ABL1: variants seen among roughly 807,000 people sequenced by gnomAD.
ABL1 encodes ABL proto-oncogene 1, non-receptor tyrosine kinase.
Under a neutral mutation model 94.7 loss-of-function variants are expected in ABL1, and 11 were observed. That is an observed-to-expected ratio of 0.12 (90% CI 0.07 to 0.19). The LOEUF (loss-of-function observed/expected upper bound fraction) is 0.19. ABL1 is among the 10% of genes least tolerant of loss of function. ABL1 has a pLI of 1.00. For missense variants in ABL1, 1,082 were observed against 1,489.4 expected (o/e 0.73, Z 4.50); for synonymous variants, 656 against 622.4 (o/e 1.05, Z -0.80).
At chr9:130,821,775 G>T (rs1213498052) in intron 1 of ABL1, among the ~76,000 whole-genome samples, 1 of 150,714 alleles carries the variant, frequency 6.6e-6, no homozygotes, top group Admixed American at 6.6e-5. Context: ...TGATTCTCCT[G>T]CCTCAGCCTC....
rs140764404 is a variant in ABL1, at chr9:130,724,994, G to A, written c.136+10539G>A. 2,874 of 301,140 alleles carry A rather than the reference G, an allele frequency of 9.5e-3. 28 individuals carry two copies. Among genetic ancestry groups the A allele is most frequent in the Non-Finnish European group, 0.014 (1,994 of 146,286 alleles). 18.7% of individuals were successfully genotyped at this position (301,140 alleles called of 1,614,324 possible). On this transcript the variant is annotated intron_variant, in intron 1 of 10. Transcript: ENST00000372348. ...GACAGGCCTTAGAGCCACAGTGGCC[G>A]CACAACGTGTGCATCATATTGCAAC...
Position 130,862,841 on chromosome 9 carries a change from A to G in ABL1, c.628A>G (p.Ile210Val), listed in dbSNP as rs1831096941. 2 of 1,613,862 alleles carry G rather than the reference A, an allele frequency of 1.2e-6. No individual in the cohort carries two copies. The highest frequency in any genetic ancestry group is 3.3e-5 in the Admixed American group (2 of 59,994). ...TCATTCAACGGTGGCCGACGGGCTC[A>G]TCACCACGCTCCATTATCCAGCCCC... The part of the protein sequence containing the change: ...HHHSTVADGL[I>V]TTLHYPAPKR... Residue 210 changes from isoleucine to valine, a missense_variant, in exon 4 of 11, where the codon ATC becomes GTC. Ile to Val is a conservative substitution (Grantham distance 29). Transcript: ENST00000318560. This position sits in a 1 kb window ranked among gnomAD's most constrained non-coding sequence, Gnocchi z 5.5.
At chr9:130,795,919 C>T (rs545413594) in intron 1 of ABL1, among the ~76,000 whole-genome samples, 10 of 152,330 alleles carry the variant, frequency 6.6e-5, no homozygotes, top group South Asian at 4.1e-4. Flanking sequence ...AGGCTGGGCG[C>T]GGTGGCTCAT....
rs527486462 is a variant in ABL1, at chr9:130,764,029, A to G, written c.136+49574A>G. Reference sequence around the variant, plus strand: ...TCCCAGAGGAGACACTTAGGCAGAGACTGGGCCGCTGAGTGGGCGTTTGGG... The same window carrying G: ...TCCCAGAGGAGACACTTAGGCAGAGGCTGGGCCGCTGAGTGGGCGTTTGGG... On this transcript the variant is annotated intron_variant, in intron 1 of 10. Transcript: ENST00000372348. Among the ~76,000 whole-genome samples the G allele has an allele frequency of 2.8e-3, 419 of 152,280 alleles. 1 individual carries two copies. The highest frequency in any genetic ancestry group is 5.1e-3 in the Non-Finnish European group (346 of 68,018).
At chr9:130,727,765 A>G (rs969720047) in intron 1 of ABL1, among the ~76,000 whole-genome samples, 1 of 91,086 alleles carries the variant, frequency 1.1e-5, no homozygotes, top group Non-Finnish European at 1.9e-5. Context: ...CCCCCCCCCA[A>G]AAAAAAGCAT....
At chr9:130,746,742 C>T (rs1164937986) in intron 1 of ABL1, among the ~76,000 whole-genome samples, 1 of 151,926 alleles carries the variant, frequency 6.6e-6, no homozygotes, top group African/African-American at 2.4e-5. Context: ...GAGTTTTAAG[C>T]ATTTCTGTAC....
At chr9:130,773,781 C>T (rs906777240) in intron 1 of ABL1, among the ~76,000 whole-genome samples, 2 of 151,808 alleles carry the variant, frequency 1.3e-5, no homozygotes, top group Admixed American at 6.6e-5. Flanking sequence ...GTGCCCGGCT[C>T]CCCAATAGTT....
chr9:130,846,307 A>G (rs1830771138), intron 1 of ABL1, among the ~76,000 whole-genome samples: 1 of 152,194 alleles, frequency 6.6e-6, no homozygotes, highest in Admixed American at 6.5e-5. Context: ...TCTGAGCATG[A>G]TCTCATCCGC....
chr9:130,808,022 T>A (rs1050985719), intron 1 of ABL1, among the ~76,000 whole-genome samples: 5 of 151,572 alleles, frequency 3.3e-5, no homozygotes, highest in East Asian at 1.9e-4. Context: ...ATTTAAAAAA[T>A]TTTTGCAGAT....
chr9:130,819,688 A>G (rs1301070862), intron 1 of ABL1, among the ~76,000 whole-genome samples: 3 of 151,276 alleles, frequency 2.0e-5, no homozygotes, highest in Non-Finnish European at 2.9e-5. Flanking sequence ...ACGGGCACAC[A>G]CCACCATGCC....
In ABL1 at chr9:130,885,254, A is replaced by T; in HGVS notation, c.2964A>T (p.Ala988=). 6.2e-7 allele frequency: 1 copy of T among 1,613,810 alleles called. No individual in the cohort carries two copies. The highest frequency in any genetic ancestry group is 8.5e-7 in the Non-Finnish European group (1 of 1,180,014). ...PAPVPSTLPS[A]SSALAGDQPS... is the part of the protein sequence containing the mutation. ...CCGTTCCCTCCACGTTGCCATCAGC[A>T]TCCTCGGCCCTGGCAGGGGACCAGC... Residue 988 remains alanine (A), a synonymous_variant, in exon 11 of 11, where the codon GCA becomes GCT. Coordinates refer to ENST00000318560, the MANE Select transcript of ABL1 (RefSeq NM_005157.6).
chr9:130,781,235 A>G (rs908755831), intron 1 of ABL1, among the ~76,000 whole-genome samples: 1 of 152,188 alleles, frequency 6.6e-6, no homozygotes, highest in African/African-American at 2.4e-5. Context: ...CCTTAAACAC[A>G]TGTAGAATGA....
At chr9:130,715,858 A>T (rs1434878792) in intron 1 of ABL1, among the ~76,000 whole-genome samples, 1 of 152,140 alleles carries the variant, frequency 6.6e-6, no homozygotes, top group Non-Finnish European at 1.5e-5. Flanking sequence ...TTTCTTGTTA[A>T]TAGAGTACCA....
At chr9:130,816,724 CAG>C (rs1466631028) in intron 1 of ABL1, among the ~76,000 whole-genome samples, 2 of 152,002 alleles carry the variant, frequency 1.3e-5, no homozygotes, top group African/African-American at 2.4e-5. Flanking sequence ...AAACCTGAGA[CAG>C]AGTCTTGCTC....
rs34196689 is a variant in ABL1, at chr9:130,746,488, T to C, written c.136+32033T>C. ...ACCACTGATCTGTTCTCATCACTAT[T>C]GTTTTGTCCTTTTGAGACTGTCACA... is the stretch of plus-strand genomic sequence containing the variant. On this transcript the variant is annotated intron_variant, in intron 1 of 10. Coordinates refer to the ABL1 transcript ENST00000372348. 5.3e-3 allele frequency among the ~76,000 whole-genome samples: 806 copies of C among 151,232 alleles called. 6 individuals are homozygous for C. The highest frequency in any genetic ancestry group is 0.019 in the African/African-American group (771 of 41,134).
chr9:130,769,582 A>T (rs1254887847), intron 1 of ABL1, among the ~76,000 whole-genome samples: 1 of 151,592 alleles, frequency 6.6e-6, no homozygotes, highest in African/African-American at 2.4e-5. Context: ...CAGGTGATCT[A>T]CCCACCTTGG....
intron 1 of ABL1, among the ~76,000 whole-genome samples, chr9:130,778,458 G>A (rs1204510901): frequency 6.6e-6 from 1 of 152,226 alleles, no homozygotes; most frequent in Non-Finnish European, 1.5e-5. Context: ...AGGTGGAGAA[G>A]TGGGTCAGGC....
intron 1 of ABL1, among the ~76,000 whole-genome samples, chr9:130,805,720 C>G (rs1353836794): frequency 6.6e-6 from 1 of 152,162 alleles, no homozygotes; most frequent in Non-Finnish European, 1.5e-5. Context: ...AAGCCAGAGT[C>G]AGTTCAGCTG....
At chr9:130,809,417 A>AGAGAGAGT (rs1389499231) in intron 1 of ABL1, among the ~76,000 whole-genome samples, 50 of 84,408 alleles carry the variant, frequency 5.9e-4, no homozygotes, top group Admixed American at 1.2e-3. Context: ...AGAGAGAGAG[A>AGAGAGAGT]GTGTGTGTGT....
Sources: gnomAD v4.1 joint callset for allele counts (sites outside exome capture counted in the v4.1 genomes callset) on GRCh38, gnomAD v4.1.1 for gene constraint, Gnocchi (gnomAD v3.1) non-coding constraint, MANE v1.5 for transcripts, NCBI Gene and HGNC (gene_info 2026-07-23, HGNC 2026-07-21) for gene names.